DYM: variants seen among roughly 807,000 people sequenced by gnomAD.
The protein encoded by DYM is dyggve-Melchior-Clausen syndrome protein.
A neutral mutation model predicts 93.1 loss-of-function variants in DYM; 78 were observed. The ratio of observed to expected loss-of-function variants is 0.84; its 90% confidence interval spans 0.70 to 1.01. DYM has a LOEUF of 1.01. DYM is among the 50% of genes least tolerant of loss of function. DYM has a pLI of 0.00. For synonymous variants in DYM, 321 were observed against 319.7 expected, an observed-to-expected ratio of 1.00 and a Z score of -0.04; for missense variants, 789 against 845.0, an observed-to-expected ratio of 0.93 and a Z score of 0.82.
At chr18:49,137,198 A>G (rs1295100232) in intron 15 of DYM, among the ~76,000 whole-genome samples, 1 of 152,146 alleles carries the variant, frequency 6.6e-6, no homozygotes, top group African/African-American at 2.4e-5. Context: ...TCCTGCACCG[A>G]CCTACTTCAT....
intron 8 of DYM, among the ~76,000 whole-genome samples, chr18:49,320,508 G>A (rs936132718): frequency 2.6e-5 from 4 of 151,948 alleles, no homozygotes; most frequent in South Asian, 4.2e-4. Context: ...AGAGTCTCGC[G>A]CTGACACCCA....
At chr18:49,316,274 G>C (rs1328667232) in intron 8 of DYM, among the ~76,000 whole-genome samples, 1 of 151,930 alleles carries the variant, frequency 6.6e-6, no homozygotes, top group African/African-American at 2.4e-5. Context: ...AGAGTGAGAC[G>C]CAGTCACACA....
chr18:49,305,866 T>C (rs893010380), intron 8 of DYM, among the ~76,000 whole-genome samples: 2 of 152,220 alleles, frequency 1.3e-5, no homozygotes, highest in African/African-American at 4.8e-5. Context: ...AAATGATTCA[T>C]GACAAAGTAA....
At chr18:49,373,894 G>C (rs12458119) in intron 5 of DYM, among the ~76,000 whole-genome samples, 13,882 of 152,028 alleles carry the variant, frequency 0.091, 856 homozygotes, top group East Asian at 0.31. Flanking sequence ...GCAGAACTAT[G>C]TTTTTGGTAC....
At chr18:49,227,642 G>A (rs1219112827) in intron 13 of DYM, among the ~76,000 whole-genome samples, 1 of 152,092 alleles carries the variant, frequency 6.6e-6, no homozygotes, top group Non-Finnish European at 1.5e-5. Flanking sequence ...AGGATTGTGG[G>A]AGCTGTCTGT....
intron 14 of DYM, among the ~76,000 whole-genome samples, chr18:49,179,495 T>C (rs983580916): frequency 7.9e-5 from 12 of 152,148 alleles, no homozygotes; most frequent in African/African-American, 2.7e-4. Context: ...TGACTTGGAA[T>C]ATATAGTTAC....
rs573357915 is a variant in DYM at position 49,282,156 on chromosome 18, T to C, written c.966A>G (p.Ser322=). 3.7e-6 allele frequency: 6 copies of C among 1,613,896 alleles called. No individual in the cohort carries two copies. In the South Asian group the frequency reaches 4.4e-5, roughly 12 times the overall value. The stretch of plus-strand genomic sequence containing the variant: ...TGATCTGGAAGGCATGTGGAATTGA[T>C]GAGGGGAAAGGACTGCTATCTGGAA... ...KNTQDSSPFP[S]SIPHAFQINF... is the part of the protein sequence containing the mutation. Residue 322 remains serine, a synonymous_variant, in exon 10 of 18, where the codon TCA becomes TCG. Transcript: ENST00000675505.
At chr18:49,063,484 G>A (rs572499369) in intron 17 of DYM, among the ~76,000 whole-genome samples, 1 of 152,012 alleles carries the variant, frequency 6.6e-6, no homozygotes, top group Non-Finnish European at 1.5e-5. Flanking sequence ...CTGTTGGGGG[G>A]ACCATGTTCT....
intron 8 of DYM, among the ~76,000 whole-genome samples, chr18:49,331,330 G>A (rs2063292004): frequency 6.6e-6 from 1 of 152,152 alleles, no homozygotes; most frequent in South Asian, 2.1e-4. Context: ...TGTAAGGTAG[G>A]GAAGAGCTTT....
At chr18:49,309,072 A>G (rs755066360) in intron 8 of DYM, among the ~76,000 whole-genome samples, 2 of 152,260 alleles carry the variant, frequency 1.3e-5, no homozygotes, top group Non-Finnish European at 1.5e-5. Context: ...GCATTACGTT[A>G]GTATTGTTAT....
chr18:49,186,977 T>C (rs1477780329), intron 14 of DYM, among the ~76,000 whole-genome samples: 1 of 145,136 alleles, frequency 6.9e-6, no homozygotes, highest in Non-Finnish European at 1.5e-5. Context: ...TGGAGTGCAG[T>C]GGTGCGATCT....
At chr18:49,353,321 T>C (rs1340183915) in intron 6 of DYM, among the ~76,000 whole-genome samples, 2 of 152,104 alleles carry the variant, frequency 1.3e-5, no homozygotes, top group Non-Finnish European at 2.9e-5. Context: ...TGAACCCAAC[T>C]AATCCCTGCT....
intron 13 of DYM, among the ~76,000 whole-genome samples, chr18:49,215,164 A>T (rs1160875164): frequency 6.6e-6 from 1 of 152,222 alleles, no homozygotes; most frequent in Non-Finnish European, 1.5e-5. Context: ...CAGTACACAA[A>T]GTCTAACTTA....
intron 15 of DYM, among the ~76,000 whole-genome samples, chr18:49,151,052 C>A (rs2085761660): frequency 6.6e-6 from 1 of 152,206 alleles, no homozygotes; most frequent in South Asian, 2.1e-4. Flanking sequence ...CACAAATCAA[C>A]TGGCCTTCCT....
At chr18:49,157,164 T>C (rs1431421725) in intron 15 of DYM, among the ~76,000 whole-genome samples, 3 of 152,152 alleles carry the variant, frequency 2.0e-5, no homozygotes, top group Non-Finnish European at 4.4e-5. Context: ...TACCCAGATG[T>C]TCCCAGACAG....
chr18:49,453,161 C>G lies in DYM; in HGVS notation c.-54+7237G>C, dbSNP rs187556264. Among the ~76,000 whole-genome samples, 189 of 89,060 alleles carry G rather than the reference C, an allele frequency of 2.1e-3. 40 individuals carry two copies. The highest frequency in any genetic ancestry group is 3.3e-3 in the Non-Finnish European group (139 of 41,838). The allele number at this position is 89,060 out of a possible 152,430, so 58.4% of individuals were successfully genotyped here. ...ATCTAGCTCAGGGTTTGTAAATATACCAATCAGTACTCTGTATCTAGCTAA... is the reference window on the plus strand; with the variant it reads ...ATCTAGCTCAGGGTTTGTAAATATAGCAATCAGTACTCTGTATCTAGCTAA... On this transcript the variant is annotated intron_variant, in intron 1 of 17. Transcript: ENST00000675505.
chr18:49,455,692 CTGTAATCCCAG>C (rs2082920817), intron 1 of DYM, among the ~76,000 whole-genome samples: 1 of 152,192 alleles, frequency 6.6e-6, no homozygotes, highest in Admixed American at 6.5e-5. Context: ...TGGCTCCTGT[CTGTAATCCCAG>C]CACTTTGGGA....
chr18:49,096,281 T>C (rs1378115390), intron 17 of DYM, among the ~76,000 whole-genome samples: 3 of 152,212 alleles, frequency 2.0e-5, no homozygotes, highest in East Asian at 1.9e-4. Flanking sequence ...CTCCCTGTTG[T>C]TTATGTACAG....
At chr18:49,130,218 AAC>A (rs2083257724) in intron 15 of DYM, among the ~76,000 whole-genome samples, 1 of 152,144 alleles carries the variant, frequency 6.6e-6, no homozygotes, top group Non-Finnish European at 1.5e-5. Flanking sequence ...GTAGTAAAGA[AAC>A]ACTGAAAAAA....
Sources: allele counts gnomAD v4.1 joint callset (sites outside exome capture counted in the v4.1 genomes callset), GRCh38; gene constraint gnomAD v4.1.1; transcripts MANE v1.5; gene names NCBI Gene and HGNC (gene_info 2026-07-23, HGNC 2026-07-21).